ANGPT1: variants seen among roughly 807,000 people sequenced by gnomAD.
ANGPT1 encodes angiopoietin-1.
In ANGPT1, 17 loss-of-function variants were observed where a neutral mutation model predicts 62.2. The observed-to-expected ratio is 0.27, with a 90% CI of 0.19 to 0.41. ANGPT1 has a LOEUF of 0.41. Ranked by LOEUF, ANGPT1 falls within the 10% of genes least tolerant of loss-of-function variation. The pLI is 1.00. For missense variants in ANGPT1, 478 were observed against 594.9 expected (o/e 0.80, Z 2.04); for synonymous variants, 199 against 198.9 (o/e 1.00, Z 0.00).
At chr8:107,397,590 G>A (rs1816961276) in intron 1 of ANGPT1, among the ~76,000 whole-genome samples, 1 of 152,118 alleles carries the variant, frequency 6.6e-6, no homozygotes, top group Non-Finnish European at 1.5e-5. Context: ...CCAAATCATG[G>A]AAGCTATATC....
Position 107,322,272 on chromosome 8 carries a change from T to C in ANGPT1, c.576-144A>G, listed in dbSNP as rs1350539313. 6.2e-6 allele frequency: 4 copies of C among 643,974 alleles called. No individual in the cohort carries two copies. The African/African-American group carries it at 7.3e-5, about 12-fold the overall frequency. The allele number at this position is 643,974 out of a possible 1,614,324, so 39.9% of individuals were successfully genotyped here. ...TATTTTTAAGTGAGAGACTTAAGAA[T>C]ATGTATTCTTCAGAATAGGAGTTAC... On this transcript the variant is annotated intron_variant, in intron 3 of 8. Transcript: ENST00000517746.
intron 2 of ANGPT1, among the ~76,000 whole-genome samples, chr8:107,338,097 AAAAAT>A (rs1182795880): frequency 6.6e-6 from 1 of 152,108 alleles, no homozygotes; most frequent in African/African-American, 2.4e-5. Flanking sequence ...CCCTATCTCA[AAAAAT>A]AAAATAAAAT....
At chr8:107,417,906 G>T (rs962367506) in intron 1 of ANGPT1, among the ~76,000 whole-genome samples, 48 of 152,140 alleles carry the variant, frequency 3.2e-4, no homozygotes, top group African/African-American at 1.1e-3. Flanking sequence ...GGCCTCGGGG[G>T]ACAGGGTTTC....
chr8:107,310,955 A>G lies in ANGPT1; in HGVS notation c.809-7588T>C, dbSNP rs202058379. The stretch of plus-strand genomic sequence containing the variant: ...AGTGTGAGTGTGTGTGTGTGTATGT[A>G]TGTGTGTGTGTATGAGTGTGTATGT... On this transcript the variant is annotated intron_variant, in intron 4 of 8. Transcript: ENST00000517746. Among the ~76,000 whole-genome samples, 12 of 147,426 alleles carry G rather than the reference A, an allele frequency of 8.1e-5. 1 individual carries two copies. The highest frequency in any genetic ancestry group is 6.5e-4 in the South Asian group (3 of 4,614).
chr8:107,464,103 T>C (rs1341108632), intron 1 of ANGPT1, among the ~76,000 whole-genome samples: 1 of 152,188 alleles, frequency 6.6e-6, no homozygotes, highest in Non-Finnish European at 1.5e-5. Flanking sequence ...ACCTCAGTTA[T>C]TTTTCTTGCT....
At chr8:107,378,543 G>A (rs767940504) in intron 1 of ANGPT1, among the ~76,000 whole-genome samples, 4 of 151,954 alleles carry the variant, frequency 2.6e-5, no homozygotes, top group Non-Finnish European at 4.4e-5. Flanking sequence ...ACACTGTTAC[G>A]GCTTGGCTCT....
chr8:107,347,135 G>A (rs776094987), intron 1 of ANGPT1, 38 bp from the exon 2 acceptor site: 5 of 1,573,550 alleles, frequency 3.2e-6, no homozygotes, highest in Non-Finnish European at 4.3e-6. Flanking sequence ...TACATTATAA[G>A]CAAGGCCTCC....
intron 1 of ANGPT1, among the ~76,000 whole-genome samples, chr8:107,398,500 A>AT (rs10556477): frequency 0.48 from 62,906 of 131,824 alleles, 16,294 homozygotes; most frequent in Non-Finnish European, 0.58. Flanking sequence ...TTTCTTTTCT[A>AT]TTTTTTTTTT....
At chr8:107,320,491 T>C (rs1207386322) in intron 4 of ANGPT1, among the ~76,000 whole-genome samples, 2 of 152,202 alleles carry the variant, frequency 1.3e-5, no homozygotes, top group Non-Finnish European at 2.9e-5. Flanking sequence ...TGAGAATAGA[T>C]ATAACTTGTA....
intron 1 of ANGPT1, among the ~76,000 whole-genome samples, chr8:107,493,984 T>A (rs1195166512): frequency 6.6e-6 from 1 of 150,508 alleles, no homozygotes. Context: ...TCTTTGTATT[T>A]CTTAAAATAT....
chr8:107,364,430 G>T (rs191338025), intron 1 of ANGPT1, among the ~76,000 whole-genome samples: 1 of 152,010 alleles, frequency 6.6e-6, no homozygotes, highest in Non-Finnish European at 1.5e-5. Flanking sequence ...ACAGGTGTGC[G>T]CCACGATGCC....
chr8:107,461,747 G>T (rs1465736689), intron 1 of ANGPT1, among the ~76,000 whole-genome samples: 1 of 152,056 alleles, frequency 6.6e-6, no homozygotes, highest in Admixed American at 6.6e-5. Flanking sequence ...CATTTTGCTT[G>T]AATAGTTCTA....
Position 107,439,565 on chromosome 8 carries a change from GA to G in ANGPT1, c.297+57696del, listed in dbSNP as rs889041998. On this transcript the variant is annotated intron_variant, in intron 1 of 8. Coordinates refer to ENST00000517746, the MANE Select transcript of ANGPT1 (RefSeq NM_001146.5). ...ATATCTGTAGAAATAAGGAAGAAAG[GA>G]AAAAAAGACCTGCTTCCAATGCTAA... Among the ~76,000 whole-genome samples, 16 of 151,920 alleles carry G rather than the reference GA, an allele frequency of 1.1e-4. No individual in the cohort carries two copies. The South Asian group carries it at 1.7e-3, about 16-fold the overall frequency.
intron 1 of ANGPT1, among the ~76,000 whole-genome samples, chr8:107,453,646 A>G (rs1563629772): frequency 6.6e-6 from 1 of 152,096 alleles, no homozygotes; most frequent in Non-Finnish European, 1.5e-5. Flanking sequence ...CAGCCAAACC[A>G]TATCAAAGTT....
intron 3 of ANGPT1, among the ~76,000 whole-genome samples, chr8:107,331,274 T>C (rs993795938): frequency 6.6e-6 from 1 of 152,158 alleles, no homozygotes; most frequent in Admixed American, 6.5e-5. Flanking sequence ...ACTTAATAAC[T>C]TCCCATAACT....
intron 1 of ANGPT1, among the ~76,000 whole-genome samples, chr8:107,399,000 C>T (rs1816991380): frequency 6.6e-6 from 1 of 152,094 alleles, no homozygotes; most frequent in Non-Finnish European, 1.5e-5. Context: ...TGTGTTTAAA[C>T]CAAGCAAACA....
In ANGPT1 at chr8:107,257,900, T is replaced by TTG. The variant is rs1445094992; in HGVS notation, c.1337-5886_1337-5885insCA. Among the ~76,000 whole-genome samples, 44 of 95,732 alleles carry TTG rather than the reference T, an allele frequency of 4.6e-4. 2 individuals carry two copies. Among genetic ancestry groups the TTG allele is most frequent in the African/African-American group, 1.6e-3 (43 of 27,132 alleles). The allele number at this position is 95,732 out of a possible 152,430, so 62.8% of individuals were successfully genotyped here. On this transcript the variant is annotated intron_variant, in intron 8 of 8. Coordinates refer to ENST00000517746, the MANE Select transcript of ANGPT1 (RefSeq NM_001146.5). ...TGTTTCTTTTTTGTTTGTTTGTTTG[T>TTG]TTGTTTGTTTTTGACTGTTCTTTCT...
chr8:107,336,359 A>T (rs1324750079), intron 2 of ANGPT1, 88 bp from the exon 3 acceptor site: 2 of 1,485,884 alleles, frequency 1.3e-6, no homozygotes, highest in East Asian at 5.1e-5. Context: ...ATATTTTTTC[A>T]AGAATAATTT....
rs575107108 is a variant in ANGPT1 at position 107,416,325 on chromosome 8, G to A, written c.298-69228C>T. Among the ~76,000 whole-genome samples, 16 of 152,246 alleles carry A rather than the reference G, an allele frequency of 1.1e-4. No homozygotes were observed. In the East Asian group the frequency reaches 2.9e-3, roughly 28 times the overall value. ...GCTAGAGCAGCTCATAAAATTCAGG[G>A]AACCATCTACTTATATTTTCTGGTT... On this transcript the variant is annotated intron_variant, in intron 1 of 8. Coordinates refer to ENST00000517746, the MANE Select transcript of ANGPT1 (RefSeq NM_001146.5).
Sources: allele counts gnomAD v4.1 joint callset (sites outside exome capture counted in the v4.1 genomes callset), GRCh38; gene constraint gnomAD v4.1.1; transcripts MANE v1.5; gene names NCBI Gene and HGNC (gene_info 2026-07-23, HGNC 2026-07-21).